The following OR56A3 variants were observed in gnomAD, a reference collection of about 807,000 sequenced individuals.
OR56A3 encodes the protein olfactory receptor family 56 subfamily A member 3, also known as olfactory receptor 56A3.
A neutral mutation model predicts 17.5 loss-of-function variants in OR56A3; 23 were observed. That is an observed-to-expected ratio of 1.32 (90% CI 0.95 to 1.87). The LOEUF (loss-of-function observed/expected upper bound fraction) is 1.87. OR56A3 is among the 40% of genes most tolerant of loss of function. The pLI is 0.00. For missense variants in OR56A3, 366 were observed against 380.1 expected (o/e 0.96, Z 0.31); for synonymous variants, 175 against 150.6 (o/e 1.16, Z -1.19).
chr11:5,998,705 G>C, the OR56A3 span, among the ~76,000 whole-genome samples: 4 of 152,178 alleles, frequency 2.6e-5, no homozygotes, highest in Non-Finnish European at 5.9e-5. Context: ...AGCATTTATG[G>C]ACTCTGTTTC....
At chr11:6,006,157 A>T in the OR56A3 span, 1 of 152,196 alleles carries the variant, frequency 6.6e-6, no homozygotes, top group African/African-American at 2.4e-5. Flanking sequence ...TTTTTTAACG[A>T]ATACAGGAAG....
chr11:5,970,275 A>G, the OR56A3 span, among the ~76,000 whole-genome samples: 1 of 152,244 alleles, frequency 6.6e-6, no homozygotes, highest in South Asian at 2.1e-4. Flanking sequence ...AGAGCAAAAG[A>G]GGTAAAGAGA....
the OR56A3 span, chr11:5,968,546 C>A: frequency 8.0e-7 from 1 of 1,256,038 alleles, no homozygotes; most frequent in Non-Finnish European, 1.1e-6. Flanking sequence ...TTTGATAAGA[C>A]ACAGGAATTA....
chr11:5,991,304 G>A, the OR56A3 span, among the ~76,000 whole-genome samples: 1 of 152,154 alleles, frequency 6.6e-6, no homozygotes, highest in African/African-American at 2.4e-5. Flanking sequence ...AAAGACATTG[G>A]TAGGTGTCCA....
the OR56A3 span, among the ~76,000 whole-genome samples, chr11:5,973,849 G>A: frequency 1.3e-5 from 2 of 152,210 alleles, no homozygotes; most frequent in African/African-American, 4.8e-5. Flanking sequence ...GGAGGGACAA[G>A]ATTGGGTATT....
chr11:5,986,478 G>C, the OR56A3 span: 7 of 1,613,950 alleles, frequency 4.3e-6, no homozygotes, highest in Non-Finnish European at 5.9e-6. Flanking sequence ...GCAGGATTGT[G>C]GAATGGTGCA....
chr11:5,977,873 A>C, the OR56A3 span, among the ~76,000 whole-genome samples: 1 of 152,066 alleles, frequency 6.6e-6, no homozygotes, highest in African/African-American at 2.4e-5. Flanking sequence ...ATTCATCTTG[A>C]GTTGATTTTT....
the OR56A3 span, among the ~76,000 whole-genome samples, chr11:5,976,085 G>A: frequency 2.6e-5 from 4 of 151,944 alleles, no homozygotes; most frequent in Non-Finnish European, 4.4e-5. Flanking sequence ...AAAGGAAGAT[G>A]GTAGAGATAC....
chr11:6,012,978 G>A, the OR56A3 span, among the ~76,000 whole-genome samples: 15 of 152,210 alleles, frequency 9.9e-5, no homozygotes, highest in Non-Finnish European at 1.8e-4. Flanking sequence ...GCAGGAGCAG[G>A]CACCTCTGAG....
the OR56A3 span, among the ~76,000 whole-genome samples, chr11:6,017,553 C>T: frequency 6.6e-6 from 1 of 152,004 alleles, no homozygotes; most frequent in African/African-American, 2.4e-5. Context: ...ACCAAGAAAC[C>T]ACCCTCATAA....
the OR56A3 span, among the ~76,000 whole-genome samples, chr11:5,956,444 C>T: frequency 1.3e-5 from 2 of 152,096 alleles, no homozygotes; most frequent in African/African-American, 2.4e-5. Context: ...TTATGTCTTT[C>T]TCACGTCAGT....
the OR56A3 span, among the ~76,000 whole-genome samples, chr11:5,976,986 G>A: frequency 6.6e-6 from 1 of 152,104 alleles, no homozygotes. Flanking sequence ...TTCTGTTCCT[G>A]CATTCACTCA....
the OR56A3 span, among the ~76,000 whole-genome samples, chr11:5,976,913 T>A: frequency 6.6e-6 from 1 of 152,166 alleles, no homozygotes; most frequent in Non-Finnish European, 1.5e-5. Flanking sequence ...TGTTCTCTTC[T>A]TTGTGTTCAT....
At chr11:5,975,940 T>A in the OR56A3 span, among the ~76,000 whole-genome samples, 2 of 152,012 alleles carry the variant, frequency 1.3e-5, no homozygotes, top group South Asian at 4.1e-4. Context: ...TATAGAAACA[T>A]CCACATTCTG....
rs1235933463 is a variant in OR56A3, at chr11:5,947,779, G to T, written c.433G>T (p.Val145Leu). The T allele has an allele frequency of 6.2e-7, 1 of 1,614,126 alleles. No individual in the cohort carries two copies. ...RYPSIITDHF[V>L]VKAAMFILTR... ...TCCATCAATCATCACTGATCACTTT[G>T]TAGTCAAGGCTGCCATGTTTATTTT... is the stretch of plus-strand genomic sequence containing the variant. The change falls in exon 3 of 3, where the codon GTA becomes TTA. Residue 145 changes from valine (V) to leucine (L), a missense_variant. Physicochemically the swap from Val to Leu is conservative, Grantham distance 32. Coordinates refer to ENST00000641160, the MANE Select transcript of OR56A3 (RefSeq NM_001003443.3).
At chr11:5,962,695 C>T in the OR56A3 span, among the ~76,000 whole-genome samples, 68 of 152,070 alleles carry the variant, frequency 4.5e-4, 1 homozygote, top group East Asian at 3.9e-4. Flanking sequence ...CCTGCCACCG[C>T]GCCCGGCTAA....
At chr11:5,979,119 ATT>A in the OR56A3 span, among the ~76,000 whole-genome samples, 17 of 139,364 alleles carry the variant, frequency 1.2e-4, no homozygotes, top group Non-Finnish European at 1.4e-4. Flanking sequence ...GTTAGCTAGT[ATT>A]TTTTTTTTTT....
the OR56A3 span, among the ~76,000 whole-genome samples, chr11:5,957,888 A>AT: frequency 6.6e-6 from 1 of 152,164 alleles, no homozygotes; most frequent in Non-Finnish European, 1.5e-5. Context: ...AGAGTTCTAG[A>AT]TTTGATGAGT....
At chr11:5,946,675 A>T (rs1294211513) in intron 2 of OR56A3, among the ~76,000 whole-genome samples, 1 of 152,246 alleles carries the variant, frequency 6.6e-6, no homozygotes, top group Non-Finnish European at 1.5e-5. Context: ...AAATATGAAC[A>T]TCTAAAAAAT....
Sources: allele counts gnomAD v4.1 joint callset (sites outside exome capture counted in the v4.1 genomes callset), GRCh38; gene constraint gnomAD v4.1.1; transcripts MANE v1.5; gene names NCBI Gene and HGNC (gene_info 2026-07-23, HGNC 2026-07-21).